PTPRM: variants seen among roughly 807,000 people sequenced by gnomAD.
PTPRM encodes the protein protein tyrosine phosphatase receptor type M, also known as receptor-type tyrosine-protein phosphatase mu.
A neutral mutation model predicts 186.7 loss-of-function variants in PTPRM; 47 were observed. That is an observed-to-expected ratio of 0.25 (90% CI 0.20 to 0.32). The LOEUF (loss-of-function observed/expected upper bound fraction) is 0.32. Ranked by LOEUF, PTPRM falls within the 10% of genes least tolerant of loss-of-function variation. The probability of loss-of-function intolerance (pLI) is 1.00; values close to 1 mark genes in which losing one functional copy is unlikely to be tolerated. For synonymous variants in PTPRM, 668 were observed against 674.9 expected (o/e 0.99, Z 0.16); for missense variants, 1,494 against 1,865.0 (o/e 0.80, Z 3.66).
In PTPRM at chr18:8,379,188, A is replaced by G. The variant is rs1055455488; in HGVS notation, c.3634A>G (p.Thr1212Ala). 4.3e-6 allele frequency: 7 copies of G among 1,609,438 alleles called. No homozygotes were observed. In the African/African-American group the frequency reaches 6.7e-5, roughly 15 times the overall value. ...GCAGACGCTAAACATGGTGACACCAACGCTGCGAGTAGAGGACTGCAGCAT... is the reference window on the plus strand; with the variant it reads ...GCAGACGCTAAACATGGTGACACCAGCGCTGCGAGTAGAGGACTGCAGCAT... The part of the protein sequence containing the change: ...EFRTLNMVTP[T>A]LRVEDCSIAL... The change falls in exon 28 of 33, where the codon ACG becomes GCG. Residue 1212 changes from threonine (T) to alanine (A), a missense_variant. Physicochemically the swap from Thr to Ala is moderately conservative, Grantham distance 58 (BLOSUM62 0). Coordinates refer to ENST00000580170, the MANE Select transcript of PTPRM (RefSeq NM_001105244.2).
chr18:8,400,196 T>C (rs532017143), intron 32 of PTPRM, among the ~76,000 whole-genome samples: 9 of 152,320 alleles, frequency 5.9e-5, no homozygotes, highest in Middle Eastern at 3.4e-3. Context: ...ATCTCCTCAG[T>C]GGTTCTCAAG....
chr18:8,384,808 C>CA (rs1192828845), intron 30 of PTPRM, 122 bp downstream of exon 30: 71 of 1,239,744 alleles, frequency 5.7e-5, no homozygotes, highest in Middle Eastern at 4.2e-4. Context: ...GTCAGTGAAC[C>CA]AAAAAAACAT....
intron 7 of PTPRM, among the ~76,000 whole-genome samples, chr18:8,007,682 A>G (rs2084271088): frequency 6.6e-6 from 1 of 152,184 alleles, no homozygotes; most frequent in Non-Finnish European, 1.5e-5. Context: ...GTTGAGACCC[A>G]CTGTTGTAAA....
intron 1 of PTPRM, among the ~76,000 whole-genome samples, chr18:7,677,199 T>G (rs1454712427): frequency 6.6e-6 from 1 of 152,220 alleles, no homozygotes; most frequent in Non-Finnish European, 1.5e-5. Context: ...CCTGATGGTA[T>G]ACATATTTCT....
intron 14 of PTPRM, among the ~76,000 whole-genome samples, chr18:8,152,987 A>G: frequency 6.6e-6 from 1 of 152,214 alleles, no homozygotes; most frequent in South Asian, 2.1e-4. Context: ...AAGTGCTAGG[A>G]TTACAGGCAT....
chr18:8,202,556 T>G (rs2093872188), intron 14 of PTPRM, among the ~76,000 whole-genome samples: 1 of 151,814 alleles, frequency 6.6e-6, no homozygotes, highest in African/African-American at 2.4e-5. Context: ...TCAGTCACAT[T>G]TTTAGTTCTT....
At chr18:8,070,686 A>G (rs2089417280) in intron 8 of PTPRM, among the ~76,000 whole-genome samples, 1 of 152,228 alleles carries the variant, frequency 6.6e-6, no homozygotes, top group Non-Finnish European at 1.5e-5. Context: ...TTCTTTACAC[A>G]GATGACACAG....
chr18:7,866,761 T>C lies in PTPRM; in HGVS notation c.197-21345T>C, dbSNP rs374378448. On this transcript the variant is annotated intron_variant, in intron 2 of 32. Coordinates refer to ENST00000580170, the MANE Select transcript of PTPRM (RefSeq NM_001105244.2). ...TATCCTTGTTAATTTTCTTTCTAGTTGATCTGTCTAATATTGACAGTGGGG... is the reference window on the plus strand; with the variant it reads ...TATCCTTGTTAATTTTCTTTCTAGTCGATCTGTCTAATATTGACAGTGGGG... 1.1e-4 allele frequency among the ~76,000 whole-genome samples: 17 copies of C among 152,204 alleles called. No homozygotes were observed. In the East Asian group the frequency reaches 1.3e-3, roughly 12 times the overall value.
intron 4 of PTPRM, among the ~76,000 whole-genome samples, chr18:7,920,424 T>A (rs1231855318): frequency 6.6e-6 from 1 of 152,162 alleles, no homozygotes; most frequent in East Asian, 1.9e-4. Flanking sequence ...CTTAAAGAGA[T>A]GACAACTTAT....
chr18:8,400,129 G>T (rs1255672020), intron 32 of PTPRM, among the ~76,000 whole-genome samples: 1 of 152,194 alleles, frequency 6.6e-6, no homozygotes, highest in East Asian at 1.9e-4. Flanking sequence ...CTCAGACCAG[G>T]TGTAACAGGA....
intron 1 of PTPRM, among the ~76,000 whole-genome samples, chr18:7,638,388 AAGAC>A (rs1245097179): frequency 3.3e-5 from 5 of 152,308 alleles, no homozygotes; most frequent in Admixed American, 6.5e-5. Context: ...TAAATGGAGA[AAGAC>A]AGTGCATATG....
At chr18:7,985,928 G>T (rs945967113) in intron 7 of PTPRM, among the ~76,000 whole-genome samples, 1 of 152,030 alleles carries the variant, frequency 6.6e-6, no homozygotes, top group Non-Finnish European at 1.5e-5. Flanking sequence ...GAGTTTGAAT[G>T]TACACAAACC....
At chr18:7,851,082 T>G (rs2046836206) in intron 2 of PTPRM, among the ~76,000 whole-genome samples, 1 of 152,166 alleles carries the variant, frequency 6.6e-6, no homozygotes. Context: ...TAAAACCTAG[T>G]GAGTTGGTTT....
At chr18:7,678,161 AT>A (rs2039391536) in intron 1 of PTPRM, among the ~76,000 whole-genome samples, 1 of 152,056 alleles carries the variant, frequency 6.6e-6, no homozygotes, top group African/African-American at 2.4e-5. Context: ...GTGGGTGGTG[AT>A]TGTCCCGGAT....
intron 1 of PTPRM, among the ~76,000 whole-genome samples, chr18:7,734,396 A>G (rs1350215650): frequency 6.6e-6 from 1 of 152,228 alleles, no homozygotes; most frequent in Non-Finnish European, 1.5e-5. Flanking sequence ...TGGCTTATCT[A>G]ATAAATATGG....
chr18:8,089,481 G>A (rs532209993), intron 11 of PTPRM, among the ~76,000 whole-genome samples: 6 of 152,162 alleles, frequency 3.9e-5, no homozygotes, highest in East Asian at 1.9e-4. Flanking sequence ...TTATTTCCAC[G>A]ACAGAGCAAA....
chr18:8,213,807 G>A (rs4550520), intron 14 of PTPRM, among the ~76,000 whole-genome samples: 40,932 of 152,082 alleles, frequency 0.27, 5,575 homozygotes, highest in Middle Eastern at 0.5. Flanking sequence ...CTGCATGCAT[G>A]CGCTTGTCAC....
At chr18:7,762,095 C>A (rs2041803598) in intron 1 of PTPRM, among the ~76,000 whole-genome samples, 1 of 152,096 alleles carries the variant, frequency 6.6e-6, no homozygotes, top group African/African-American at 2.4e-5. Flanking sequence ...GAACATTGTC[C>A]TTGTTCAAGG....
chr18:8,173,732 C>T (rs1436025256), intron 14 of PTPRM, among the ~76,000 whole-genome samples: 1 of 152,102 alleles, frequency 6.6e-6, no homozygotes, highest in Non-Finnish European at 1.5e-5. Context: ...CTGTGTGGGG[C>T]ATGGGTTGCC....
Sources: allele counts gnomAD v4.1 joint callset (sites outside exome capture counted in the v4.1 genomes callset), GRCh38; gene constraint gnomAD v4.1.1; transcripts MANE v1.5; gene names NCBI Gene and HGNC (gene_info 2026-07-23, HGNC 2026-07-21).